Variants in ZC3H11A observed in about 807,000 individuals in gnomAD.
The protein encoded by ZC3H11A is zinc finger CCCH-type containing 11A.
Under a neutral mutation model 90.8 loss-of-function variants are expected in ZC3H11A, and 22 were observed. That is an observed-to-expected ratio of 0.24 (90% CI 0.17 to 0.35). The LOEUF is 0.35. ZC3H11A is among the 10% of genes least tolerant of loss of function. ZC3H11A has a pLI of 1.00. For synonymous variants in ZC3H11A, 294 were observed against 339.8 expected (o/e 0.87, Z 1.48); for missense variants, 701 against 964.9 (o/e 0.73, Z 3.62).
At chr1:203,809,327 T>C (rs1175457456) in intron 2 of ZC3H11A, among the ~76,000 whole-genome samples, 1 of 151,748 alleles carries the variant, frequency 6.6e-6, no homozygotes, top group Admixed American at 6.6e-5. Context: ...AGGCGCACAC[T>C]ACCGTGCCCG....
intron 10 of ZC3H11A, chr1:203,834,246 G>A (rs1184600266): frequency 4.7e-6 from 1 of 213,796 alleles, no homozygotes; most frequent in African/African-American, 2.3e-5. Flanking sequence ...TAAAATTTGA[G>A]TCCTTGAGTC....
intron 2 of ZC3H11A, among the ~76,000 whole-genome samples, chr1:203,814,252 G>T (rs1450862165): frequency 2.6e-5 from 4 of 152,118 alleles, no homozygotes; most frequent in Non-Finnish European, 5.9e-5. Flanking sequence ...CCGGCCAGGC[G>T]CTGGCTCACA....
intron 1 of ZC3H11A, chr1:203,799,379 G>A (rs892229711): frequency 2.4e-5 from 17 of 703,348 alleles, no homozygotes; most frequent in Non-Finnish European, 3.9e-5. Context: ...TTAGTCATTC[G>A]GTCAAGGCCC....
At position 203,853,161 on chromosome 1, in the gene ZC3H11A, G is replaced by A. The variant is rs1395949401; in HGVS notation, c.*762G>A. 1 of 151,682 alleles carries A rather than the reference G, an allele frequency of 6.6e-6. No homozygotes were observed. Among genetic ancestry groups the A allele is most frequent in the East Asian group, 2.0e-4 (1 of 5,116 alleles). 9.4% of individuals were successfully genotyped at this position (151,682 alleles called of 1,614,324 possible). On this transcript the variant is annotated 3_prime_UTR_variant, in exon 18 of 18. Coordinates refer to ENST00000367210, the MANE Select transcript of ZC3H11A (RefSeq NM_001376342.1). The stretch of plus-strand genomic sequence containing the variant: ...ACATGATTAGAGGAATTCTTTTTTA[G>A]TATGAAAATTGTCCTTTTTCTTCTT...
At chr1:203,848,017 C>A (rs530952692) in intron 13 of ZC3H11A, among the ~76,000 whole-genome samples, 15 of 152,060 alleles carry the variant, frequency 9.9e-5, no homozygotes, top group African/African-American at 3.6e-4. Context: ...CACCACACCC[C>A]GCTAATTTTT....
chr1:203,829,485 G>C lies in ZC3H11A; in HGVS notation c.333G>C (p.Glu111Asp), dbSNP rs1039576407. The part of the protein sequence containing the change: ...VLPTVPESPE[E>D]EVKASQLSVQ... ...CCACTGTGCCTGAGTCACCAGAAGA[G>C]GAAGTGAAGGCTAGCCAACTTTCAG... Residue 111 changes from glutamate to aspartate, a missense_variant, in exon 6 of 18, where the codon GAG (glutamate) becomes GAC (aspartate). Transcript: ENST00000367210. The C allele has an allele frequency of 6.2e-7, 1 of 1,614,002 alleles. No individual in the cohort carries two copies. Among genetic ancestry groups the C allele is most frequent in the Non-Finnish European group, 8.5e-7 (1 of 1,179,900 alleles).
Position 203,837,948 on chromosome 1 carries a change from A to G in ZC3H11A, c.875-18A>G, listed in dbSNP as rs373853326. ...AAGATTGACTTGAAATCTTAAACTA[A>G]GTTCTCCCTCTTTATAGGCGGTGAC... On this transcript the variant is annotated intron_variant, in intron 10 of 17. Coordinates refer to ENST00000367210, the MANE Select transcript of ZC3H11A (RefSeq NM_001376342.1). The G allele has an allele frequency of 6.2e-7, 1 of 1,600,608 alleles. No individual in the cohort carries two copies. The highest frequency in any genetic ancestry group is 8.5e-7 in the Non-Finnish European group (1 of 1,175,900).
intron 2 of ZC3H11A, chr1:203,806,395 G>A (rs1396885858): frequency 1.6e-5 from 3 of 182,142 alleles, no homozygotes; most frequent in South Asian, 1.1e-4. Flanking sequence ...TCTGCCTTCC[G>A]GGTTCAAGCG....
Position 203,847,004 on chromosome 1 carries a change from T to TA in ZC3H11A, c.1043-169dup, listed in dbSNP as rs201111472. Among the ~76,000 whole-genome samples the TA allele has an allele frequency of 1.6e-3, 233 of 144,164 alleles. 4 individuals carry two copies. Among genetic ancestry groups the TA allele is most frequent in the Middle Eastern group, 7.3e-3 (2 of 274 alleles). 94.6% of individuals were successfully genotyped at this position (144,164 alleles called of 152,430 possible). A position where few individuals can be genotyped will look rare whatever the true frequency, so the allele number is the denominator to read the frequency against. On this transcript the variant is annotated intron_variant, in intron 12 of 17. Transcript: ENST00000367210. ...TGGGTAACAGAGTGAGACTCTGTCT[T>TA]AAAAAAAAAAAGAAAAAGAAAAAAA...
At position 203,852,454 on chromosome 1, in the gene ZC3H11A, T is replaced by A; in HGVS notation, c.*55T>A. On this transcript the variant is annotated 3_prime_UTR_variant, in exon 18 of 18. Coordinates refer to ENST00000367210, the MANE Select transcript of ZC3H11A (RefSeq NM_001376342.1). The stretch of plus-strand genomic sequence containing the variant: ...AATCGCCAAAAAACTGGACTTAGTT[T>A]CATCTATTGTAACATTTACCTGAGA... 1 of 1,591,064 alleles carries A rather than the reference T, an allele frequency of 6.3e-7. No individual in the cohort carries two copies. The highest frequency in any genetic ancestry group is 8.6e-7 in the Non-Finnish European group (1 of 1,168,432).
intron 12 of ZC3H11A, among the ~76,000 whole-genome samples, chr1:203,843,664 C>A (rs1436108114): frequency 1.3e-5 from 2 of 152,166 alleles, no homozygotes; most frequent in African/African-American, 2.4e-5. Context: ...TCTAGCAAAA[C>A]TTCATTTACA....
At position 203,847,333 on chromosome 1, in the gene ZC3H11A, T is replaced by A. The variant is rs749912079; in HGVS notation, c.1192T>A (p.Ser398Thr). 1.9e-5 allele frequency: 30 copies of A among 1,613,342 alleles called. No homozygotes were observed. The highest frequency in any genetic ancestry group is 2.5e-5 in the Non-Finnish European group (30 of 1,179,794). Residue 398 changes from serine (S) to threonine (T), a missense_variant, in exon 13 of 18, where the codon TCC becomes ACC. By Grantham distance (58) the Ser-to-Thr change is moderately conservative. Transcript: ENST00000367210. ...TGATTCTACTTCAGGAGCAAGAAGC[T>A]CCTCCACTATCCGTATCAAAACCTT... ...TDDSTSGARS[S>T]STIRIKTFSE... is the part of the protein sequence containing the mutation.
chr1:203,842,276 G>A (rs1430702404), intron 12 of ZC3H11A, among the ~76,000 whole-genome samples: 4 of 152,174 alleles, frequency 2.6e-5, no homozygotes, highest in African/African-American at 7.2e-5. Context: ...GTAGCAAGCC[G>A]AGATCACGCC....
intron 5 of ZC3H11A, 162 bp from the exon 6 acceptor site, chr1:203,829,289 G>A: frequency 1.5e-6 from 1 of 689,436 alleles, no homozygotes; most frequent in Non-Finnish European, 2.4e-6. Flanking sequence ...TTAGGTAAAA[G>A]CACATCTTTT....
At chr1:203,805,143 ATT>A (rs148879848) in intron 2 of ZC3H11A, among the ~76,000 whole-genome samples, 15,476 of 131,398 alleles carry the variant, frequency 0.12, 937 homozygotes, top group Non-Finnish European at 0.16. Context: ...TACAGTAGTG[ATT>A]TTTTTTTTTT....
At chr1:203,824,327 A>C (rs1679785027) in intron 4 of ZC3H11A, among the ~76,000 whole-genome samples, 1 of 151,974 alleles carries the variant, frequency 6.6e-6, no homozygotes, top group Non-Finnish European at 1.5e-5. Flanking sequence ...TCACTTGCAT[A>C]TGAATTTTAA....
At chr1:203,830,095 C>T (rs373144322) in intron 7 of ZC3H11A, 28 bp from the exon 8 acceptor site, 2 of 1,547,562 alleles carry the variant, frequency 1.3e-6, no homozygotes, top group African/African-American at 2.8e-5. Flanking sequence ...GCTCCCGTTC[C>T]TCATAAAATT....
intron 2 of ZC3H11A, chr1:203,815,096 C>T (rs985409546): frequency 6.6e-6 from 1 of 151,866 alleles, no homozygotes; most frequent in African/African-American, 2.4e-5. Context: ...TCCCAAAGTG[C>T]TGGGATTACA....
In ZC3H11A at chr1:203,798,165, T is replaced by C. The variant is rs867026539; in HGVS notation, c.-1588+2371T>C. ...TCCCTCTTCTGGAAGCAATGGAAGC[T>C]TTGAATATATTCCTACTGATCCATT... On this transcript the variant is annotated intron_variant, in intron 1 of 17. Transcript: ENST00000367210. 50 of 1,536,042 alleles carry C rather than the reference T, an allele frequency of 3.3e-5. No individual in the cohort carries two copies. The African/African-American group carries it at 5.9e-4, about 18-fold the overall frequency.
Sources: gnomAD v4.1 joint callset for allele counts (sites outside exome capture counted in the v4.1 genomes callset) on GRCh38, gnomAD v4.1.1 for gene constraint, MANE v1.5 for transcripts, NCBI Gene and HGNC (gene_info 2026-07-23, HGNC 2026-07-21) for gene names.